TPH2: variants seen among roughly 807,000 people sequenced by gnomAD.
TPH2 encodes the protein tryptophan hydroxylase 2.
TPH2 carries 27 observed loss-of-function variants against 59.1 expected under a neutral mutation model. That is an observed-to-expected ratio of 0.46 (90% CI 0.34 to 0.63). The LOEUF is 0.63. Ranked by LOEUF, TPH2 falls within the 30% of genes least tolerant of loss-of-function variation. The probability of loss-of-function intolerance (pLI) is 0.01; values close to 1 mark genes in which losing one functional copy is unlikely to be tolerated. For missense variants in TPH2, 523 were observed against 588.3 expected (o/e 0.89, Z 1.15); for synonymous variants, 220 against 210.5 (o/e 1.05, Z -0.39).
At chr12:71,941,443 T>C in intron 1 of TPH2, 141 bp from the exon 2 acceptor site, 1 of 1,004,152 alleles carries the variant, frequency 1.0e-6, no homozygotes, top group South Asian at 1.6e-5. Flanking sequence ...AAGTTATGAG[T>C]GACACGGCAA....
chr12:72,032,354 C>T lies in TPH2; in HGVS notation c.*659C>T, dbSNP rs537808122. On this transcript the variant is annotated 3_prime_UTR_variant, in exon 11 of 11. Transcript: ENST00000333850. ...GAAGTATTTTGGAAGATAGTACTTC[C>T]GGAAAGGACATTAGGAAAGACTAAA... is the stretch of plus-strand genomic sequence containing the variant. 50 of 153,728 alleles carry T rather than the reference C, an allele frequency of 3.3e-4. 1 individual carries two copies. Among genetic ancestry groups the T allele is most frequent in the South Asian group, 1.0e-3 (5 of 4,884 alleles). 9.5% of individuals were successfully genotyped at this position (153,728 alleles called of 1,614,324 possible).
At chr12:71,944,819 G>C in intron 4 of TPH2, 133 bp downstream of exon 4, 2 of 887,918 alleles carry the variant, frequency 2.3e-6, no homozygotes, top group East Asian at 5.1e-5. Flanking sequence ...ACTGAGAGCA[G>C]ACTTCCAAAT....
At chr12:71,970,923 C>A (rs778120702) in intron 5 of TPH2, among the ~76,000 whole-genome samples, 1 of 152,184 alleles carries the variant, frequency 6.6e-6, no homozygotes, top group Non-Finnish European at 1.5e-5. Flanking sequence ...TCCCTTATCC[C>A]TCATGTACTG....
intron 1 of TPH2, among the ~76,000 whole-genome samples, chr12:71,940,036 T>C (rs1871013846): frequency 6.6e-6 from 1 of 152,218 alleles, no homozygotes. Flanking sequence ...TGTAGAATTA[T>C]TTAAATCAAT....
chr12:71,947,183 G>A (rs1374637041), intron 4 of TPH2, among the ~76,000 whole-genome samples: 1 of 152,130 alleles, frequency 6.6e-6, no homozygotes, highest in Non-Finnish European at 1.5e-5. Context: ...CCAGCTCAGC[G>A]ATTCTCATCC....
At chr12:71,999,045 G>A (rs1039532271) in intron 8 of TPH2, among the ~76,000 whole-genome samples, 2 of 152,114 alleles carry the variant, frequency 1.3e-5, no homozygotes, top group Admixed American at 6.6e-5. Context: ...ATGTGCTATC[G>A]ACAAATCCAT....
intron 5 of TPH2, among the ~76,000 whole-genome samples, chr12:71,970,316 A>G (rs1871939254): frequency 6.6e-6 from 1 of 152,208 alleles, no homozygotes; most frequent in Non-Finnish European, 1.5e-5. Flanking sequence ...AACAGTTGAC[A>G]ACATACATGA....
At chr12:71,964,710 G>A (rs1871767588) in intron 5 of TPH2, 1 of 985,250 alleles carries the variant, frequency 1.0e-6, no homozygotes, top group African/African-American at 1.7e-5. Context: ...CACACCTGGT[G>A]TGACACCTCA....
intron 7 of TPH2, among the ~76,000 whole-genome samples, chr12:71,981,988 A>G (rs935569370): frequency 4.8e-5 from 4 of 83,364 alleles, no homozygotes; most frequent in Non-Finnish European, 1.1e-4. Flanking sequence ...CAAGCCCTTT[A>G]TTTTTTGTGG....
At chr12:71,991,481 T>C (rs1057325076) in intron 7 of TPH2, among the ~76,000 whole-genome samples, 2 of 152,222 alleles carry the variant, frequency 1.3e-5, no homozygotes, top group African/African-American at 2.4e-5. Flanking sequence ...ATACTCATCA[T>C]CTTCAGTATT....
chr12:72,010,234 A>G (rs1370727936), intron 8 of TPH2, among the ~76,000 whole-genome samples: 1 of 152,196 alleles, frequency 6.6e-6, no homozygotes, highest in Non-Finnish European at 1.5e-5. Flanking sequence ...TGTTGTGAAC[A>G]TGATGTAAAG....
At chr12:71,974,257 TA>T (rs1302340585) in intron 6 of TPH2, among the ~76,000 whole-genome samples, 2 of 152,186 alleles carry the variant, frequency 1.3e-5, no homozygotes, top group Non-Finnish European at 2.9e-5. Context: ...TTCTTTGTGT[TA>T]GTGTCCAATT....
At chr12:71,993,426 T>A (rs1356659661) in intron 7 of TPH2, among the ~76,000 whole-genome samples, 2 of 152,330 alleles carry the variant, frequency 1.3e-5, no homozygotes, top group African/African-American at 2.4e-5. Context: ...TGCATCTCAA[T>A]CCATTCCCAG....
chr12:71,988,305 T>TTAGG (rs1478540577), intron 7 of TPH2, among the ~76,000 whole-genome samples: 1 of 152,150 alleles, frequency 6.6e-6, no homozygotes, highest in Admixed American at 6.5e-5. Flanking sequence ...GGTGGGTGTA[T>TTAGG]TAGGTCATAC....
Position 71,944,480 on chromosome 12 carries a change from A to T in TPH2, c.439+3A>T. Reference sequence around the variant, plus strand: ...GAACATTTGGACAGAGGAAGAAGGCAAGGGTGGTCTTAGCTTGTCGGGTAA... The same window carrying T: ...GAACATTTGGACAGAGGAAGAAGGCTAGGGTGGTCTTAGCTTGTCGGGTAA... On this transcript the variant is annotated splice_donor_region_variant and intron_variant, in intron 3 of 10. Transcript: ENST00000333850. 6.2e-7 allele frequency: 1 copy of T among 1,613,996 alleles called. No homozygotes were observed. The highest frequency in any genetic ancestry group is 8.5e-7 in the Non-Finnish European group (1 of 1,179,890).
At chr12:71,992,373 G>T (rs1872599671) in intron 7 of TPH2, among the ~76,000 whole-genome samples, 1 of 152,176 alleles carries the variant, frequency 6.6e-6, no homozygotes, top group Admixed American at 6.5e-5. Context: ...CTTGAGGTCA[G>T]AAGTTCAAGA....
intron 7 of TPH2, among the ~76,000 whole-genome samples, chr12:71,987,402 A>C (rs982152418): frequency 6.6e-6 from 1 of 152,076 alleles, no homozygotes; most frequent in Non-Finnish European, 1.5e-5. Flanking sequence ...GAAGAAACTT[A>C]CTCCTTTTTA....
At chr12:71,961,013 A>T (rs1871664721) in intron 5 of TPH2, among the ~76,000 whole-genome samples, 1 of 152,078 alleles carries the variant, frequency 6.6e-6, no homozygotes, top group South Asian at 2.1e-4. Flanking sequence ...TTTACAGATG[A>T]CCTCTCATTT....
chr12:71,995,936 AT>A (rs1222204700), intron 8 of TPH2, among the ~76,000 whole-genome samples: 2 of 152,346 alleles, frequency 1.3e-5, no homozygotes, highest in Non-Finnish European at 2.9e-5. Context: ...TGGTATAAGG[AT>A]TGTGTCTCAT....
Sources: gnomAD v4.1 joint callset for allele counts (sites outside exome capture counted in the v4.1 genomes callset) on GRCh38, gnomAD v4.1.1 for gene constraint, MANE v1.5 for transcripts, NCBI Gene and HGNC (gene_info 2026-07-23, HGNC 2026-07-21) for gene names.